Variants in COL18A1 observed in about 807,000 individuals in gnomAD.
COL18A1 encodes the protein collagen alpha-1(XVIII) chain.
In COL18A1, 133 loss-of-function variants were observed where a neutral mutation model predicts 168.0. The ratio of observed to expected loss-of-function variants is 0.79; its 90% confidence interval spans 0.69 to 0.91. The LOEUF is 0.91. Among genes scored for constraint, COL18A1 ranks in the 40% least tolerant of loss-of-function variants. The pLI, the probability that COL18A1 is intolerant of heterozygous loss-of-function variation, is 0.00. For synonymous variants in COL18A1, 949 were observed against 809.0 expected (o/e 1.17, Z -2.94); for missense variants, 2,126 against 1,925.4 (o/e 1.10, Z -1.95).
chr21:45,433,341 C>T (rs2034014746), intron 2 of COL18A1, among the ~76,000 whole-genome samples: 1 of 152,204 alleles, frequency 6.6e-6, no homozygotes, highest in Non-Finnish European at 1.5e-5. Context: ...GTTGCTAGTA[C>T]CCATTGTGTG....
Position 45,490,883 on chromosome 21 carries a change from T to C in COL18A1, c.2067+12T>C, listed in dbSNP as rs1159327234. ...GCCGGGGAGAAAAGGTGAGTGTCCC[T>C]GGGGCGGGTGGATGGGGATGGGGGG... On this transcript the variant is annotated intron_variant, in intron 21 of 41. Transcript: ENST00000651438. The C allele has an allele frequency of 1.3e-6, 2 of 1,548,982 alleles. No homozygotes were observed. Among genetic ancestry groups the C allele is most frequent in the East Asian group, 2.4e-5 (1 of 40,898 alleles).
rs1374274243 is a variant in COL18A1, at chr21:45,504,465, A to C, written c.2777A>C (p.Glu926Ala). ...GDAGQKGERG[E>A]PGGGGFFGSS... ...GCAGGACAGAAAGGCGAAAGGGGGG[A>C]GCCCGGGGGCGGCGGTTTCTTCGGC... The change falls in exon 34 of 42, where the codon GAG becomes GCG. Residue 926 changes from glutamate to alanine, a missense_variant. Coordinates refer to ENST00000651438, the MANE Select transcript of COL18A1 (RefSeq NM_001379500.1). The C allele has an allele frequency of 6.2e-7, 1 of 1,609,826 alleles. No individual in the cohort carries two copies. The highest frequency in any genetic ancestry group is 1.1e-5 in the South Asian group (1 of 90,894).
At chr21:45,507,417 G>GGGGCAGGTGCT in intron 37 of COL18A1, 144 bp from the exon 38 acceptor site, 1 of 848,064 alleles carries the variant, frequency 1.2e-6, no homozygotes, top group East Asian at 2.6e-5. Context: ...CAGGCTTGGA[G>GGGGCAGGTGCT]GGGCAGGTGC....
rs1200417084 is a variant in COL18A1, at chr21:45,489,490, A to G, written c.1928A>G (p.Asp643Gly). 1.2e-6 allele frequency: 2 copies of G among 1,602,098 alleles called. No individual in the cohort carries two copies. The highest frequency in any genetic ancestry group is 3.4e-4 in the Middle Eastern group (2 of 5,890). ...GGAGCCCCTTTTTTCACTTAGGGGG[A>G]TCCTGGCGTGCCTGGGCTGCCGGGG... ...GPPGLPGLKG[D>G]PGVPGLPGAK... The change falls in exon 19 of 42, where the codon GAT becomes GGT. Residue 643 changes from aspartate to glycine, a missense_variant. Coordinates refer to ENST00000651438, the MANE Select transcript of COL18A1 (RefSeq NM_001379500.1).
intron 4 of COL18A1, among the ~76,000 whole-genome samples, chr21:45,474,470 G>A (rs376163796): frequency 2.1e-5 from 3 of 141,738 alleles, no homozygotes; most frequent in African/African-American, 8.8e-5. Context: ...CTCTGTGTGT[G>A]GTGTGTCTCT....
chr21:45,490,537 CCTCCGTGTGCCCTCCTGGGT>C (rs754367752), intron 20 of COL18A1, among the ~76,000 whole-genome samples, 191 bp downstream of exon 20: 26 of 108,166 alleles, frequency 2.4e-4, no homozygotes, highest in East Asian at 8.7e-4. Flanking sequence ...GGTCTCTGGG[CCTCCGTGTGCCCTCCTGGGT>C]CTCCGTGTGC....
intron 3 of COL18A1, among the ~76,000 whole-genome samples, chr21:45,469,657 T>G (rs1301994104): frequency 6.6e-6 from 1 of 152,204 alleles, no homozygotes; most frequent in Non-Finnish European, 1.5e-5. Flanking sequence ...GCCACGTGGG[T>G]GACCTCAGCT....
intron 2 of COL18A1, among the ~76,000 whole-genome samples, chr21:45,429,863 G>A (rs17004772): frequency 0.031 from 4,661 of 152,250 alleles, 90 homozygotes; most frequent in Middle Eastern, 0.061. Context: ...TCTCTACAGC[G>A]GTGCCAGGCC....
At chr21:45,445,725 C>G (rs73909535) in intron 2 of COL18A1, among the ~76,000 whole-genome samples, 7,839 of 152,062 alleles carry the variant, frequency 0.052, 305 homozygotes, top group African/African-American at 0.11. Flanking sequence ...CTTTTTTTGT[C>G]TTTCTTGGCG....
chr21:45,462,311 T>A (rs80290585), intron 2 of COL18A1, among the ~76,000 whole-genome samples: 1 of 152,290 alleles, frequency 6.6e-6, no homozygotes, highest in African/African-American at 2.4e-5. Context: ...CCCAACAAAT[T>A]TGAGAAGCTT....
chr21:45,485,149 A>ATTTTTTTTTTTTTT lies in COL18A1; in HGVS notation c.1702-1694_1702-1681dup, dbSNP rs751718038. ...AGGCATCTGCCACCACACCTGGCTA[A>ATTTTTTTTTTTTTT]TTTTTTTTTTTTTTTTTTTTTTTTT... On this transcript the variant is annotated intron_variant, in intron 15 of 41. Transcript: ENST00000651438. Among the ~76,000 whole-genome samples the ATTTTTTTTTTTTTT allele has an allele frequency of 3.7e-3, 202 of 55,086 alleles. 15 individuals are homozygous for ATTTTTTTTTTTTTT. The highest frequency in any genetic ancestry group is 4.7e-3 in the African/African-American group (59 of 12,512). 36.1% of individuals were successfully genotyped at this position (55,086 alleles called of 152,430 possible).
At chr21:45,492,608 T>C (rs763872209) in intron 23 of COL18A1, 44 bp downstream of exon 23, 2 of 1,612,308 alleles carry the variant, frequency 1.2e-6, no homozygotes, top group South Asian at 2.2e-5. Flanking sequence ...TGCGGGGACC[T>C]GGGTACAAGG....
intron 2 of COL18A1, chr21:45,456,928 C>T (rs1366137604): frequency 7.3e-7 from 1 of 1,368,064 alleles, no homozygotes; most frequent in Non-Finnish European, 9.5e-7. Flanking sequence ...TTTGCCTTGC[C>T]AGGTAAGTGT....
At chr21:45,450,625 C>T (rs896245638) in intron 2 of COL18A1, among the ~76,000 whole-genome samples, 1 of 152,250 alleles carries the variant, frequency 6.6e-6, no homozygotes, top group Non-Finnish European at 1.5e-5. Flanking sequence ...ACAGGACAAA[C>T]CCTGGCTCGG....
intron 2 of COL18A1, among the ~76,000 whole-genome samples, chr21:45,434,865 G>T (rs1455090208): frequency 6.6e-6 from 1 of 152,162 alleles, no homozygotes; most frequent in Non-Finnish European, 1.5e-5. Flanking sequence ...CTCTGGTGAG[G>T]GGTGACCCAG....
At chr21:45,484,405 ACACAC>A (rs1471722762) in intron 15 of COL18A1, among the ~76,000 whole-genome samples, 1 of 146,334 alleles carries the variant, frequency 6.8e-6, no homozygotes, top group Non-Finnish European at 1.5e-5. Flanking sequence ...GTGTACACAC[ACACAC>A]ACCTCTCCAG....
At position 45,496,233 on chromosome 21, in the gene COL18A1, T is replaced by G. The variant is rs1001074446; in HGVS notation, c.2509-267T>G. On this transcript the variant is annotated intron_variant, in intron 29 of 41. Coordinates refer to ENST00000651438, the MANE Select transcript of COL18A1 (RefSeq NM_001379500.1). ...AGGGTGGGGCATTTTCAGTCACCTT[T>G]TTACCTGAGACGCAGACCCGGTGGC... 6 of 667,356 alleles carry G rather than the reference T, an allele frequency of 9.0e-6. No individual in the cohort carries two copies. The African/African-American group carries it at 1.1e-4, about 12-fold the overall frequency. 41.3% of individuals were successfully genotyped at this position (667,356 alleles called of 1,614,324 possible). A position where few individuals can be genotyped will look rare whatever the true frequency, so the allele number is the denominator to read the frequency against.
At chr21:45,469,597 G>A (rs2035342945) in intron 3 of COL18A1, among the ~76,000 whole-genome samples, 1 of 152,208 alleles carries the variant, frequency 6.6e-6, no homozygotes, top group South Asian at 2.1e-4. Flanking sequence ...AACCCATGTG[G>A]GGTCTGTGTC....
intron 40 of COL18A1, among the ~76,000 whole-genome samples, 156 bp from the exon 41 acceptor site, chr21:45,510,951 AACAC>A (rs2037547101): frequency 2.0e-5 from 2 of 98,866 alleles, no homozygotes; most frequent in African/African-American, 8.5e-5. Flanking sequence ...ACACACCCAC[AACAC>A]CCCACATACA....
Sources: allele counts gnomAD v4.1 joint callset (sites outside exome capture counted in the v4.1 genomes callset), GRCh38; gene constraint gnomAD v4.1.1; transcripts MANE v1.5; gene names NCBI Gene and HGNC (gene_info 2026-07-23, HGNC 2026-07-21).